ADARB2: variants seen among roughly 807,000 people sequenced by gnomAD.
The protein encoded by ADARB2 is adenosine deaminase RNA specific B2 (inactive), also known as inactive double-stranded RNA-specific editase B2.
ADARB2 carries 25 observed loss-of-function variants against 62.2 expected under a neutral mutation model. The ratio of observed to expected loss-of-function variants is 0.40; its 90% CI spans 0.29 to 0.56. The LOEUF is 0.56. Ranked by LOEUF, ADARB2 falls within the 20% of genes least tolerant of loss-of-function variation. The pLI, the probability that ADARB2 is intolerant of heterozygous loss-of-function variation, is 0.43. For synonymous variants in ADARB2, 572 were observed against 500.8 expected (o/e 1.14, Z -1.90); for missense variants, 1,071 against 1,077.4 (o/e 0.99, Z 0.08).
chr10:1,690,623 C>A (rs1012229914), intron 1 of ADARB2, among the ~76,000 whole-genome samples: 1 of 152,150 alleles, frequency 6.6e-6, no homozygotes, highest in Admixed American at 6.5e-5. Flanking sequence ...GAAAGGAAGG[C>A]AGCCCCTGCT....
chr10:1,641,928 A>C (rs1833984019), intron 1 of ADARB2, among the ~76,000 whole-genome samples: 1 of 152,090 alleles, frequency 6.6e-6, no homozygotes, highest in African/African-American at 2.4e-5. Flanking sequence ...CAGGAGAATC[A>C]CTTGAAACCA....
At chr10:1,736,964 G>T in intron 1 of ADARB2, 87 bp downstream of exon 1, 1 of 1,384,096 alleles carries the variant, frequency 7.2e-7, no homozygotes, top group Non-Finnish European at 1.0e-6. Flanking sequence ...TGCTCACAAC[G>T]GACAAGCCCG....
chr10:1,389,289 T>G (rs1021490627), intron 1 of ADARB2, among the ~76,000 whole-genome samples: 1 of 152,296 alleles, frequency 6.6e-6, no homozygotes, highest in South Asian at 2.1e-4. Context: ...AAATGACAAA[T>G]TAGTTTTCAT....
rs138734198 is a variant in ADARB2, at chr10:1,217,099, C to T, written c.1534G>A (p.Val512Ile). The T allele has an allele frequency of 1.2e-4, 187 of 1,602,366 alleles. No individual in the cohort carries two copies. In the African/African-American group the frequency reaches 1.9e-3, roughly 16 times the overall value. ...CGCAGGTGCCCGCGGAACTTCCTGA[C>T]GAGGTGTTTGCTGCTGTGCACTAGG... ...TTDLHSSKHL[V>I]RKFRGHLRTK... is the part of the protein sequence containing the mutation. Residue 512 changes from valine (V) to isoleucine (I), a missense_variant, in exon 7 of 10, where the codon GTC becomes ATC. Val to Ile is a conservative substitution (Grantham distance 29, BLOSUM62 3). Coordinates refer to ENST00000381312, the MANE Select transcript of ADARB2 (RefSeq NM_018702.4).
At chr10:1,664,318 A>T (rs929749331) in intron 1 of ADARB2, among the ~76,000 whole-genome samples, 2 of 152,022 alleles carry the variant, frequency 1.3e-5, no homozygotes, top group Non-Finnish European at 2.9e-5. Flanking sequence ...GTGGGTCAGT[A>T]TCAAGGTATG....
chr10:1,576,316 G>A (rs1320078), intron 1 of ADARB2, among the ~76,000 whole-genome samples: 4,509 of 149,814 alleles, frequency 0.03, 222 homozygotes, highest in African/African-American at 0.11. Context: ...CAGGGTCACA[G>A]GATGGGTCTC....
chr10:1,696,276 GTGTA>G (rs1324916154), intron 1 of ADARB2, among the ~76,000 whole-genome samples: 51 of 152,232 alleles, frequency 3.4e-4, no homozygotes, highest in Admixed American at 7.2e-4. Context: ...GCCTGTTTGT[GTGTA>G]TGCACGTGTG....
At chr10:1,634,264 G>A (rs559127095) in intron 1 of ADARB2, among the ~76,000 whole-genome samples, 1 of 152,206 alleles carries the variant, frequency 6.6e-6, no homozygotes, top group Non-Finnish European at 1.5e-5. Flanking sequence ...CTGGACATGG[G>A]CATTTGTATT....
chr10:1,240,230 G>C (rs143380345), intron 5 of ADARB2, among the ~76,000 whole-genome samples: 146 of 25,762 alleles, frequency 5.7e-3, no homozygotes, highest in Non-Finnish European at 6.0e-3. Flanking sequence ...ACTCCCCTCT[G>C]CCTCCCGGTG....
chr10:1,432,755 T>G (rs1830790006), intron 1 of ADARB2, among the ~76,000 whole-genome samples: 1 of 141,414 alleles, frequency 7.1e-6, no homozygotes, highest in African/African-American at 2.5e-5. Context: ...AATGCAAAGG[T>G]CCCCAGGGCT....
intron 1 of ADARB2, among the ~76,000 whole-genome samples, chr10:1,650,935 C>T (rs2119072160): frequency 6.6e-6 from 1 of 152,298 alleles, no homozygotes; most frequent in African/African-American, 2.4e-5. Context: ...GGCTGGCCAG[C>T]CACACAGCAC....
intron 1 of ADARB2, among the ~76,000 whole-genome samples, chr10:1,506,501 C>A (rs1455189728): frequency 6.6e-6 from 1 of 152,160 alleles, no homozygotes; most frequent in South Asian, 2.1e-4. Flanking sequence ...TTAGTTTCAG[C>A]GACAGCCTGT....
intron 3 of ADARB2, among the ~76,000 whole-genome samples, chr10:1,277,322 G>T (rs922242324): frequency 2.0e-5 from 3 of 152,274 alleles, no homozygotes; most frequent in Non-Finnish European, 4.4e-5. Context: ...CCTGGAGCTG[G>T]TTTTTTGAAA....
chr10:1,614,118 T>C (rs958347430), intron 1 of ADARB2, among the ~76,000 whole-genome samples: 8 of 152,188 alleles, frequency 5.3e-5, no homozygotes, highest in African/African-American at 1.9e-4. Flanking sequence ...ACCGAGGCTG[T>C]TAAAGAGAAG....
chr10:1,184,981 C>G lies in ADARB2; in HGVS notation c.1923G>C (p.Trp641Cys). 6.2e-7 allele frequency: 1 copy of G among 1,613,782 alleles called. No homozygotes were observed. The highest frequency in any genetic ancestry group is 8.5e-7 in the Non-Finnish European group (1 of 1,180,018). ...PGKSPPFSMN[W>C]VVGSADLEII... ...TCTCCAGGTCCGCGCTGCCCACGAC[C>G]CAGTTCATGCTGAAGGGGGGCGACT... Residue 641 changes from tryptophan to cysteine, a missense_variant, in exon 9 of 10, where the codon TGG (tryptophan) becomes TGC (cysteine). Trp to Cys is a radical substitution (Grantham distance 215). Transcript: ENST00000381312.
intron 1 of ADARB2, among the ~76,000 whole-genome samples, chr10:1,504,681 C>T (rs951237233): frequency 2.0e-5 from 3 of 152,066 alleles, no homozygotes; most frequent in African/African-American, 7.2e-5. Flanking sequence ...GGACCGTTTC[C>T]GTGACAAAAG....
intron 1 of ADARB2, among the ~76,000 whole-genome samples, chr10:1,691,346 T>C (rs1167649669): frequency 1.2e-4 from 18 of 152,146 alleles, no homozygotes; most frequent in Admixed American, 1.2e-3. Flanking sequence ...GCATTTGCAT[T>C]GGTTAAGCTG....
rs181265827 is a variant in ADARB2, at chr10:1,187,974, G to A, written c.1865-2935C>T. 247 of 221,514 alleles carry A rather than the reference G, an allele frequency of 1.1e-3. 1 individual carries two copies. The highest frequency in any genetic ancestry group is 4.5e-3 in the African/African-American group (198 of 44,474). The allele number at this position is 221,514 out of a possible 1,614,324, so 13.7% of individuals were successfully genotyped here. A position where few individuals can be genotyped will look rare whatever the true frequency, so the allele number is the denominator to read the frequency against. ...ATTCAGTTCTAACTACAACAGCCCC[G>A]CAGGCTACTGTTTAACATAGAAAGT... is the stretch of plus-strand genomic sequence containing the variant. On this transcript the variant is annotated intron_variant, in intron 8 of 9. Coordinates refer to ENST00000381312, the MANE Select transcript of ADARB2 (RefSeq NM_018702.4).
intron 1 of ADARB2, among the ~76,000 whole-genome samples, chr10:1,518,376 G>A (rs1832032691): frequency 6.6e-6 from 1 of 152,140 alleles, no homozygotes; most frequent in Non-Finnish European, 1.5e-5. Flanking sequence ...CTTCACAACT[G>A]TACCTGTTTG....
Sources: allele counts gnomAD v4.1 joint callset (sites outside exome capture counted in the v4.1 genomes callset), GRCh38; gene constraint gnomAD v4.1.1; transcripts MANE v1.5; gene names NCBI Gene and HGNC (gene_info 2026-07-23, HGNC 2026-07-21).